SPTBN1: variants seen among roughly 807,000 people sequenced by gnomAD.
The protein encoded by SPTBN1 is spectrin beta, non-erythrocytic 1, also known as spectrin beta chain, non-erythrocytic 1.
In SPTBN1, 32 loss-of-function variants were observed where a neutral mutation model predicts 266.4. That is an observed-to-expected ratio of 0.12 (90% confidence interval 0.09 to 0.16). The LOEUF is 0.16. Ranked by LOEUF, SPTBN1 falls within the 10% of genes least tolerant of loss-of-function variation. The probability of loss-of-function intolerance (pLI) is 1.00; values close to 1 mark genes in which losing one functional copy is unlikely to be tolerated. For missense variants in SPTBN1, 2,296 were observed against 3,067.1 expected (o/e 0.75, Z 5.94); for synonymous variants, 1,336 against 1,162.2 (o/e 1.15, Z -3.04).
chr2:54,473,719 A>G (rs1694043002), intron 1 of SPTBN1, among the ~76,000 whole-genome samples: 1 of 152,192 alleles, frequency 6.6e-6, no homozygotes, highest in South Asian at 2.1e-4. Flanking sequence ...TTGCAGGAGA[A>G]TTCAGTCATT....
At chr2:54,522,307 C>G (rs888382466) in intron 1 of SPTBN1, among the ~76,000 whole-genome samples, 1 of 152,040 alleles carries the variant, frequency 6.6e-6, no homozygotes. Flanking sequence ...TTCTTTTAAG[C>G]TTAAGACAAG....
At chr2:54,502,170 T>C (rs186944805) in intron 1 of SPTBN1, among the ~76,000 whole-genome samples, 189 of 152,300 alleles carry the variant, frequency 1.2e-3, no homozygotes, top group African/African-American at 3.9e-3. Flanking sequence ...CTGCCAATAG[T>C]GAGACTGTGG....
intron 35 of SPTBN1, among the ~76,000 whole-genome samples, chr2:54,667,945 C>T (rs1358129686): frequency 2.6e-5 from 4 of 152,170 alleles, no homozygotes; most frequent in African/African-American, 9.7e-5. Flanking sequence ...CATGATGGGA[C>T]CCCCGCTGCA....
Position 54,645,678 on chromosome 2 carries a change from C to G in SPTBN1, c.4494+225C>G, listed in dbSNP as rs1449890140. Among the ~76,000 whole-genome samples the G allele has an allele frequency of 2.0e-5, 3 of 152,138 alleles. No individual in the cohort carries two copies. The highest frequency in any genetic ancestry group is 4.4e-5 in the Non-Finnish European group (3 of 68,022). On this transcript the variant is annotated intron_variant, in intron 21 of 35. Transcript: ENST00000356805. This position sits in a 1 kb window ranked among gnomAD's most constrained non-coding sequence, Gnocchi z 4.3. ...GGGATACTGTAGGATTTTAATGGCC[C>G]TAAAACAGACTTTTTAAAAGTAATG...
intron 2 of SPTBN1, among the ~76,000 whole-genome samples, chr2:54,578,749 GGT>G (rs34536803): frequency 0.13 from 19,378 of 147,122 alleles, 2,416 homozygotes; most frequent in African/African-American, 0.33. Flanking sequence ...CTTCTGATGG[GGT>G]GTGTGTGTGT....
chr2:54,493,184 T>G (rs1253975617), intron 1 of SPTBN1, among the ~76,000 whole-genome samples: 1 of 151,762 alleles, frequency 6.6e-6, no homozygotes, highest in East Asian at 1.9e-4. Context: ...TTTTGCATGT[T>G]TTGTAGAGAT....
chr2:54,637,687 A>T, intron 17 of SPTBN1, 26 bp from the exon 18 acceptor site: 2 of 1,570,586 alleles, frequency 1.3e-6, no homozygotes, highest in Non-Finnish European at 1.7e-6. Flanking sequence ...CTTTTTTAAA[A>T]ATTATTTTTG....
At chr2:54,611,452 A>C (rs11896957) in intron 3 of SPTBN1, among the ~76,000 whole-genome samples, 19,015 of 151,948 alleles carry the variant, frequency 0.13, 1,433 homozygotes, top group Middle Eastern at 0.2. Context: ...ATATATACAC[A>C]TATGCATTAT....
chr2:54,581,647 C>A (rs1291971171), intron 2 of SPTBN1, among the ~76,000 whole-genome samples: 2 of 144,632 alleles, frequency 1.4e-5, no homozygotes, highest in African/African-American at 5.4e-5. Flanking sequence ...AAGGTACAGC[C>A]CACAGTTTAA....
intron 1 of SPTBN1, among the ~76,000 whole-genome samples, chr2:54,504,866 G>A (rs1558786733): frequency 6.6e-6 from 1 of 152,014 alleles, no homozygotes; most frequent in African/African-American, 2.4e-5. Flanking sequence ...TTCCAGTGGC[G>A]TACTTAAAAT....
rs1240893518 is a variant in SPTBN1, at chr2:54,554,525, G to C, written c.148+27959G>C. ...CAGTTAGAAGTGGGACCTAAGCAGG[G>C]TGAACCCAAATCACTAATACATTTA... On this transcript the variant is annotated intron_variant, in intron 2 of 35. Coordinates refer to ENST00000356805, the MANE Select transcript of SPTBN1 (RefSeq NM_003128.3). This position sits in a 1 kb window ranked among gnomAD's most constrained non-coding sequence, Gnocchi z 4.5. 2.0e-5 allele frequency among the ~76,000 whole-genome samples: 3 copies of C among 152,214 alleles called. No individual in the cohort carries two copies. The highest frequency in any genetic ancestry group is 4.8e-5 in the African/African-American group (2 of 41,464).
chr2:54,617,561 C>T (rs775081971), intron 5 of SPTBN1, 47 bp from the exon 6 acceptor site: 33 of 1,587,156 alleles, frequency 2.1e-5, no homozygotes, highest in Admixed American at 3.3e-5. Flanking sequence ...GTATAAACCT[C>T]CATGTGGTAA....
At chr2:54,627,285 A>G (rs1340390582) in intron 12 of SPTBN1, among the ~76,000 whole-genome samples, 3 of 152,188 alleles carry the variant, frequency 2.0e-5, no homozygotes, top group Non-Finnish European at 2.9e-5. Flanking sequence ...GGGACTTTTC[A>G]TTTTATAAAT....
At position 54,630,091 on chromosome 2, in the gene SPTBN1, C is replaced by T. The variant is rs1190147729; in HGVS notation, c.2807+62C>T. On this transcript the variant is annotated intron_variant, in intron 15 of 35. Transcript: ENST00000356805. Reference sequence around the variant, plus strand: ...TGTGGGACTGGGGAGGGTGAGGTCACTCATCGAGCTTTGCTGTTGGGAATT... The same window carrying T: ...TGTGGGACTGGGGAGGGTGAGGTCATTCATCGAGCTTTGCTGTTGGGAATT... 4 of 1,566,352 alleles carry T rather than the reference C, an allele frequency of 2.6e-6. No homozygotes were observed. The Admixed American group carries it at 5.6e-5, about 22-fold the overall frequency.
At chr2:54,593,921 C>T (rs1675863593) in intron 2 of SPTBN1, among the ~76,000 whole-genome samples, 1 of 146,770 alleles carries the variant, frequency 6.8e-6, no homozygotes, top group Non-Finnish European at 1.5e-5. Context: ...GCAACCTCCG[C>T]CTCCCAGGTT....
In SPTBN1 at chr2:54,645,606, C is replaced by A. The variant is rs1232986032; in HGVS notation, c.4494+153C>A. Among the ~76,000 whole-genome samples, 1 of 152,202 alleles carries A rather than the reference C, an allele frequency of 6.6e-6. No homozygotes were observed. Among genetic ancestry groups the A allele is most frequent in the Non-Finnish European group, 1.5e-5 (1 of 68,018 alleles). ...GCTCTGGATGGTCTAAAGTTTCTTT[C>A]CCTTTTCACCCTAAATGTAACTCCA... On this transcript the variant is annotated intron_variant, in intron 21 of 35. Coordinates refer to ENST00000356805, the MANE Select transcript of SPTBN1 (RefSeq NM_003128.3). The surrounding 1 kb of genome is among the most constrained non-coding windows in gnomAD (Gnocchi z 4.3).
chr2:54,474,421 A>G (rs1057041669), intron 1 of SPTBN1, among the ~76,000 whole-genome samples: 1 of 151,456 alleles, frequency 6.6e-6, no homozygotes, highest in African/African-American at 2.4e-5. Context: ...CCATGGGCCC[A>G]CTTTGTGACC....
chr2:54,549,192 G>A (rs994312443), intron 2 of SPTBN1, among the ~76,000 whole-genome samples: 1 of 151,266 alleles, frequency 6.6e-6, no homozygotes, highest in African/African-American at 2.4e-5. Context: ...GGAAAGCTGA[G>A]GCAAGAGAAT....
intron 2 of SPTBN1, among the ~76,000 whole-genome samples, chr2:54,532,465 T>G (rs1671315441): frequency 6.6e-6 from 1 of 152,190 alleles, no homozygotes; most frequent in Admixed American, 6.5e-5. Context: ...ACATCTTTTG[T>G]ATATGTAACA....
Sources: allele counts gnomAD v4.1 joint callset (sites outside exome capture counted in the v4.1 genomes callset), GRCh38; gene constraint gnomAD v4.1.1; non-coding constraint Gnocchi (gnomAD v3.1); transcripts MANE v1.5; gene names NCBI Gene and HGNC (gene_info 2026-07-23, HGNC 2026-07-21).